ENTHD1: variants seen among roughly 807,000 people sequenced by gnomAD.
ENTHD1 encodes ENTH domain-containing protein 1.
In ENTHD1, 23 loss-of-function variants were observed where a neutral mutation model predicts 39.1. The ratio of observed to expected loss-of-function variants is 0.59; its 90% confidence interval spans 0.42 to 0.83. The LOEUF (loss-of-function observed/expected upper bound fraction) is 0.83, where lower values mean the gene tolerates loss of function less well. ENTHD1 is among the 40% of genes least tolerant of loss of function. ENTHD1 has a pLI of 0.00. For synonymous variants in ENTHD1, 230 were observed against 258.2 expected, an observed-to-expected ratio of 0.89 and a Z score of 1.05; for missense variants, 624 against 705.4, an observed-to-expected ratio of 0.88 and a Z score of 1.31.
chr22:39,754,249 G>A (rs1041880569), intron 6 of ENTHD1, among the ~76,000 whole-genome samples: 3 of 152,152 alleles, frequency 2.0e-5, no homozygotes, highest in African/African-American at 7.2e-5. Flanking sequence ...TTGGCCCAGA[G>A]GCTGTAGTTT....
chr22:39,747,525 T>C (rs1306868508), intron 6 of ENTHD1, among the ~76,000 whole-genome samples: 1 of 152,176 alleles, frequency 6.6e-6, no homozygotes, highest in Admixed American at 6.5e-5. Context: ...TTTTACTGTA[T>C]TATAGAATTA....
At chr22:39,766,333 A>G (rs920104960) in intron 5 of ENTHD1, among the ~76,000 whole-genome samples, 2 of 152,234 alleles carry the variant, frequency 1.3e-5, no homozygotes, top group Non-Finnish European at 2.9e-5. Flanking sequence ...TATTACAAAT[A>G]GAAAACACTG....
At chr22:39,875,275 C>T (rs1317709014) in intron 2 of ENTHD1, 2 of 1,228,096 alleles carry the variant, frequency 1.6e-6, no homozygotes, top group South Asian at 3.4e-5. Context: ...TGCAACAAAT[C>T]TATACAGTTA....
At chr22:39,891,945 C>T (rs1046360532) in intron 1 of ENTHD1, among the ~76,000 whole-genome samples, 4 of 151,768 alleles carry the variant, frequency 2.6e-5, no homozygotes, top group Non-Finnish European at 5.9e-5. Flanking sequence ...TTTTTAGACA[C>T]GAGTTCTTAT....
chr22:39,774,413 T>C (rs9623069), intron 5 of ENTHD1, among the ~76,000 whole-genome samples: 4,986 of 152,222 alleles, frequency 0.033, 266 homozygotes, highest in African/African-American at 0.11. Context: ...GCCCTAAATA[T>C]CTACCTATTT....
At position 39,887,438 on chromosome 22, in the gene ENTHD1, T is replaced by TTTA; in HGVS notation, c.308_310dup (p.Leu103_Lys104insIle). ...AGCTTCATCTATGTGCTGAAAATCT[T>TTTA]TTAGTGTTTGAAGGTTACAGAACCC... On this transcript the variant is annotated inframe_insertion, in exon 2 of 7. Transcript: ENST00000325157. 1.2e-6 allele frequency: 2 copies of TTTA among 1,612,346 alleles called. No homozygotes were observed. Among genetic ancestry groups the TTTA allele is most frequent in the Non-Finnish European group, 1.7e-6 (2 of 1,179,478 alleles).
rs2065271016 is a variant in ENTHD1, at chr22:39,765,672, C to G, written c.833-63G>C. The G allele has an allele frequency of 6.3e-6, 9 of 1,418,696 alleles. No homozygotes were observed. The South Asian group carries it at 1.3e-4, about 20-fold the overall frequency. 87.9% of individuals were successfully genotyped at this position (1,418,696 alleles called of 1,614,324 possible). A position where few individuals can be genotyped will look rare whatever the true frequency, so the allele number is the denominator to read the frequency against. ...AAACTGAAAATACTCTATTTCAAATCTGTTATAATTTTAATAAATAGGATT... is the reference window on the plus strand; with the variant it reads ...AAACTGAAAATACTCTATTTCAAATGTGTTATAATTTTAATAAATAGGATT... On this transcript the variant is annotated intron_variant, in intron 5 of 6. Coordinates refer to ENST00000325157, the MANE Select transcript of ENTHD1 (RefSeq NM_152512.4).
intron 3 of ENTHD1, among the ~76,000 whole-genome samples, chr22:39,857,273 T>C (rs1340833689): frequency 3.3e-5 from 5 of 151,516 alleles, no homozygotes; most frequent in African/African-American, 7.3e-5. Context: ...AGGAACCCCG[T>C]CTCTACTTAA....
chr22:39,849,144 T>G (rs1260907168), intron 3 of ENTHD1, among the ~76,000 whole-genome samples: 1 of 152,164 alleles, frequency 6.6e-6, no homozygotes, highest in Non-Finnish European at 1.5e-5. Context: ...CCCTCCACCT[T>G]ACTCTATTTT....
At chr22:39,887,057 A>G (rs570273164) in intron 2 of ENTHD1, among the ~76,000 whole-genome samples, 44 of 152,076 alleles carry the variant, frequency 2.9e-4, no homozygotes, top group Non-Finnish European at 5.9e-4. Context: ...TAAGGCACTG[A>G]AGACTCAATA....
intron 6 of ENTHD1, among the ~76,000 whole-genome samples, chr22:39,759,417 C>T (rs1424692343): frequency 6.6e-6 from 1 of 151,930 alleles, no homozygotes; most frequent in Non-Finnish European, 1.5e-5. Flanking sequence ...GTTCATAATA[C>T]TCTCTCATAA....
Position 39,765,209 on chromosome 22 carries a change from T to TGTGTGTGC in ENTHD1, c.1219+13_1219+14insGCACACAC. On this transcript the variant is annotated intron_variant, in intron 6 of 6. Coordinates refer to ENST00000325157, the MANE Select transcript of ENTHD1 (RefSeq NM_152512.4). Reference sequence around the variant, plus strand: ...GTGTGTGTGTGTGTGTGTGTGTGTGTTTGGCAGACTCACCCCGTGTGGTTG... The same window carrying TGTGTGTGC: ...GTGTGTGTGTGTGTGTGTGTGTGTGTGTGTGTGCTTGGCAGACTCACCCCGTGTGGTTG... The TGTGTGTGC allele has an allele frequency of 6.4e-7, 1 of 1,564,486 alleles. No individual in the cohort carries two copies.
chr22:39,806,110 C>T (rs2065638548), intron 5 of ENTHD1, among the ~76,000 whole-genome samples: 1 of 152,202 alleles, frequency 6.6e-6, no homozygotes, highest in African/African-American at 2.4e-5. Flanking sequence ...AATGCTACAT[C>T]TCTGGGTTCC....
chr22:39,842,222 T>A (rs1415002522), intron 3 of ENTHD1, among the ~76,000 whole-genome samples: 1 of 151,978 alleles, frequency 6.6e-6, no homozygotes, highest in Non-Finnish European at 1.5e-5. Context: ...GTCTTGGAGT[T>A]GCTCTTCTCG....
chr22:39,816,707 G>T (rs1487160083), intron 5 of ENTHD1, among the ~76,000 whole-genome samples: 1 of 152,030 alleles, frequency 6.6e-6, no homozygotes, highest in Non-Finnish European at 1.5e-5. Flanking sequence ...GGGCAAATAT[G>T]TTCTATTAAC....
chr22:39,881,884 C>G (rs1230615418), intron 2 of ENTHD1, among the ~76,000 whole-genome samples: 1 of 152,122 alleles, frequency 6.6e-6, no homozygotes, highest in Non-Finnish European at 1.5e-5. Flanking sequence ...GCAAAGGCAA[C>G]GCAAGTGTAA....
intron 5 of ENTHD1, among the ~76,000 whole-genome samples, chr22:39,774,452 C>T (rs1047823681): frequency 1.3e-5 from 2 of 152,116 alleles, no homozygotes; most frequent in Non-Finnish European, 2.9e-5. Context: ...TATCATCCTC[C>T]AGCCTCCTCA....
intron 5 of ENTHD1, among the ~76,000 whole-genome samples, chr22:39,770,083 G>A (rs1236480001): frequency 6.6e-6 from 1 of 152,184 alleles, no homozygotes; most frequent in Non-Finnish European, 1.5e-5. Flanking sequence ...AGTTAAATAT[G>A]TGTAGAATGT....
At position 39,748,557 on chromosome 22, in the gene ENTHD1, A is replaced by G. The variant is rs146682064; in HGVS notation, c.1220-4274T>C. Among the ~76,000 whole-genome samples, 319 of 151,786 alleles carry G rather than the reference A, an allele frequency of 2.1e-3. 2 individuals are homozygous for G. The highest frequency in any genetic ancestry group is 0.014 in the Middle Eastern group (4 of 294). ...TGCCTCCACCTGACGAGTAGCTGGA[A>G]TTGCAGGTGCCCGTCACCACGCCCG... is the stretch of plus-strand genomic sequence containing the variant. On this transcript the variant is annotated intron_variant, in intron 6 of 6. Transcript: ENST00000325157.
Sources: gnomAD v4.1 joint callset for allele counts (sites outside exome capture counted in the v4.1 genomes callset) on GRCh38, gnomAD v4.1.1 for gene constraint, MANE v1.5 for transcripts, NCBI Gene and HGNC (gene_info 2026-07-23, HGNC 2026-07-21) for gene names.